LRRC4C: variants seen among roughly 807,000 people sequenced by gnomAD.
LRRC4C encodes leucine rich repeat containing 4C.
Under a neutral mutation model 33.6 loss-of-function variants are expected in LRRC4C, and 5 were observed. That is an observed-to-expected ratio of 0.15 (90% CI 0.08 to 0.31). LRRC4C has a LOEUF of 0.31. Among genes scored for constraint, LRRC4C ranks in the 10% least tolerant of loss-of-function variants. LRRC4C has a pLI of 1.00. For synonymous variants in LRRC4C, 329 were observed against 302.0 expected (o/e 1.09, Z -0.93); for missense variants, 560 against 796.7 (o/e 0.70, Z 3.58).
At chr11:40,360,446 A>G (rs1234365317) in intron 3 of LRRC4C, among the ~76,000 whole-genome samples, 1 of 152,166 alleles carries the variant, frequency 6.6e-6, no homozygotes, top group Non-Finnish European at 1.5e-5. Flanking sequence ...CAGGTGGAAA[A>G]CACTCTGCTG....
intron 4 of LRRC4C, among the ~76,000 whole-genome samples, chr11:40,269,874 T>C (rs561410891): frequency 3.7e-4 from 56 of 152,258 alleles, no homozygotes; most frequent in African/African-American, 1.3e-3. Context: ...ATCTGGCTAA[T>C]AAGTCTTTTC....
intron 6 of LRRC4C, among the ~76,000 whole-genome samples, chr11:40,127,011 G>A (rs908327275): frequency 2.0e-5 from 3 of 151,914 alleles, no homozygotes; most frequent in African/African-American, 7.3e-5. Flanking sequence ...CAGGTGTAGT[G>A]GCTCACGCCT....
intron 3 of LRRC4C, among the ~76,000 whole-genome samples, chr11:40,625,378 G>C (rs916847957): frequency 6.6e-6 from 1 of 152,132 alleles, no homozygotes; most frequent in Non-Finnish European, 1.5e-5. Context: ...CTAACATAAG[G>C]GAAGGTGAAA....
rs1037154761 is a variant in LRRC4C, at chr11:40,545,768, T to C, written c.-270+102374A>G. 4.6e-5 allele frequency among the ~76,000 whole-genome samples: 7 copies of C among 152,016 alleles called. No individual in the cohort carries two copies. The South Asian group carries it at 8.3e-4, about 18-fold the overall frequency. On this transcript the variant is annotated intron_variant, in intron 3 of 6. Transcript: ENST00000528697. ...TGTAAATGGAACTTTAGAGTTTCTA[T>C]GTAGAGAGCCTTGGTCAACAAAATT...
chr11:40,797,961 TG>T (rs975878713), intron 2 of LRRC4C, among the ~76,000 whole-genome samples: 1 of 152,192 alleles, frequency 6.6e-6, no homozygotes, highest in Non-Finnish European at 1.5e-5. Context: ...AACTCAGATT[TG>T]GAAATACTAT....
At chr11:41,424,890 G>A (rs1954988563) in intron 1 of LRRC4C, among the ~76,000 whole-genome samples, 1 of 151,834 alleles carries the variant, frequency 6.6e-6, no homozygotes, top group Non-Finnish European at 1.5e-5. Flanking sequence ...AATACAATAG[G>A]TATCTAAAAC....
intron 2 of LRRC4C, among the ~76,000 whole-genome samples, chr11:40,731,361 C>G (rs1490751441): frequency 6.6e-6 from 1 of 151,902 alleles, no homozygotes; most frequent in African/African-American, 2.4e-5. Flanking sequence ...CACCTCCTCT[C>G]CCCACCGCCC....
At chr11:40,542,946 TTTTAG>T (rs1411659401) in intron 3 of LRRC4C, among the ~76,000 whole-genome samples, 37 of 152,254 alleles carry the variant, frequency 2.4e-4, no homozygotes, top group African/African-American at 8.7e-4. Flanking sequence ...GTTGCTTTTA[TTTTAG>T]TTTAGTTTTC....
At chr11:40,277,348 A>G (rs1464376941) in intron 4 of LRRC4C, among the ~76,000 whole-genome samples, 1 of 152,138 alleles carries the variant, frequency 6.6e-6, no homozygotes, top group African/African-American at 2.4e-5. Context: ...AGTGATGCAT[A>G]AAAAGTTTTA....
At chr11:40,706,059 T>C (rs1946154707) in intron 2 of LRRC4C, among the ~76,000 whole-genome samples, 1 of 151,694 alleles carries the variant, frequency 6.6e-6, no homozygotes, top group Non-Finnish European at 1.5e-5. Context: ...GGTTATTTGA[T>C]TTTTTTTTCT....
chr11:41,092,263 G>A (rs1940480031), intron 1 of LRRC4C, among the ~76,000 whole-genome samples: 1 of 151,760 alleles, frequency 6.6e-6, no homozygotes, highest in South Asian at 2.1e-4. Flanking sequence ...GGAGGCATCA[G>A]GCATTAAAGA....
At position 41,165,340 on chromosome 11, in the gene LRRC4C, A is replaced by G. The variant is rs192882107; in HGVS notation, c.-495-231617T>C. ...TGACCGAAATGTCATTATGTGCTTTATGATGGTCATGATTCAGGGATGTTG... is the reference window on the plus strand; with the variant it reads ...TGACCGAAATGTCATTATGTGCTTTGTGATGGTCATGATTCAGGGATGTTG... On this transcript the variant is annotated intron_variant, in intron 1 of 6. Transcript: ENST00000528697. Among the ~76,000 whole-genome samples the G allele has an allele frequency of 4.4e-3, 669 of 152,246 alleles. 6 individuals carry two copies. The highest frequency in any genetic ancestry group is 0.027 in the Middle Eastern group (8 of 292).
chr11:41,208,602 A>G (rs962904340), intron 1 of LRRC4C, among the ~76,000 whole-genome samples: 1 of 152,236 alleles, frequency 6.6e-6, no homozygotes, highest in Admixed American at 6.5e-5. Flanking sequence ...AGTAGAAACA[A>G]TGCAACAGAA....
intron 5 of LRRC4C, among the ~76,000 whole-genome samples, chr11:40,155,014 C>T (rs1377123313): frequency 6.6e-6 from 1 of 152,078 alleles, no homozygotes; most frequent in Non-Finnish European, 1.5e-5. Flanking sequence ...TCTCTCAGAC[C>T]ACAGTGGAAT....
At chr11:41,165,965 A>C (rs1300137257) in intron 1 of LRRC4C, among the ~76,000 whole-genome samples, 2 of 151,518 alleles carry the variant, frequency 1.3e-5, no homozygotes, top group Non-Finnish European at 2.9e-5. Flanking sequence ...CAGGAGGCGG[A>C]GGTTGCAGTG....
At chr11:40,936,998 C>T (rs1179519113) in intron 1 of LRRC4C, among the ~76,000 whole-genome samples, 1 of 152,154 alleles carries the variant, frequency 6.6e-6, no homozygotes, top group African/African-American at 2.4e-5. Context: ...AAGTAACTGT[C>T]TAACATTGTC....
chr11:40,304,544 T>C (rs1465034980), intron 4 of LRRC4C, among the ~76,000 whole-genome samples: 1 of 152,174 alleles, frequency 6.6e-6, no homozygotes, highest in African/African-American at 2.4e-5. Flanking sequence ...TAAAATTAGT[T>C]TTTCTTAGTA....
intron 2 of LRRC4C, among the ~76,000 whole-genome samples, chr11:40,918,378 A>G (rs1054084811): frequency 1.4e-5 from 2 of 141,784 alleles, no homozygotes; most frequent in African/African-American, 6.2e-5. Flanking sequence ...ATGCATATTT[A>G]TATATTTATA....
chr11:41,403,921 C>T (rs1037832935), intron 1 of LRRC4C, among the ~76,000 whole-genome samples: 28 of 151,260 alleles, frequency 1.9e-4, no homozygotes, highest in Admixed American at 1.1e-3. Context: ...AAAACGTGCA[C>T]TTATACACAC....
Sources: allele counts gnomAD v4.1 joint callset (sites outside exome capture counted in the v4.1 genomes callset), GRCh38; gene constraint gnomAD v4.1.1; transcripts MANE v1.5; gene names NCBI Gene and HGNC (gene_info 2026-07-23, HGNC 2026-07-21).